The following PRR33 variants were observed in gnomAD, a reference collection of about 807,000 sequenced individuals.
PRR33 encodes proline rich 33.
A neutral mutation model predicts 0.5 loss-of-function variants in PRR33; 1 was observed. The ratio of observed to expected loss-of-function variants is 2.18; its 90% confidence interval spans 0.77 to 10.34. PRR33 has a LOEUF of 10.34. Among genes scored for constraint, PRR33 ranks in the 30% most tolerant of loss-of-function variants. PRR33 has a pLI of 0.13. For missense variants in PRR33, 552 were observed against 251.8 expected (o/e 2.19, Z -8.07); for synonymous variants, 226 against 110.0 (o/e 2.06, Z -6.60).
At chr11:1,915,789 AAGGG>A in the PRR33 span, among the ~76,000 whole-genome samples, 48 of 105,080 alleles carry the variant, frequency 4.6e-4, no homozygotes, top group Admixed American at 1.7e-3. Flanking sequence ...AGGGTGGATG[AAGGG>A]AGGGAGGGAG....
chr11:1,906,464 AT>A, the PRR33 span, among the ~76,000 whole-genome samples: 3 of 151,864 alleles, frequency 2.0e-5, no homozygotes, highest in Non-Finnish European at 4.4e-5. Flanking sequence ...CTTTTTGATA[AT>A]TTTTTATTGG....
chr11:1,889,676 G>A (rs769336431), exon 1 of PRR33: 6 of 633,706 alleles, frequency 9.5e-6, no homozygotes, highest in East Asian at 2.8e-5. Flanking sequence ...CGGCCTCAGC[G>A]GCGGGGCCAG....
At chr11:1,908,698 C>T in the PRR33 span, among the ~76,000 whole-genome samples, 2 of 152,130 alleles carry the variant, frequency 1.3e-5, no homozygotes, top group South Asian at 2.1e-4. Flanking sequence ...AAAACTCTTC[C>T]GCCGACTCTC....
upstream of PRR33, among the ~76,000 whole-genome samples, chr11:1,893,118 G>A (rs538535524): frequency 2.3e-5 from 3 of 132,430 alleles, no homozygotes; most frequent in Non-Finnish European, 5.2e-5. Context: ...TGGATGAATA[G>A]GGGATGGATG....
At chr11:1,890,554 C>G (rs918671834) in exon 1 of PRR33, 3 of 712,318 alleles carry the variant, frequency 4.2e-6, no homozygotes, top group Non-Finnish European at 7.8e-6. Context: ...CCGCACACCT[C>G]GGGTGCCATC....
chr11:1,894,481 C>G (rs945195331), upstream of PRR33, among the ~76,000 whole-genome samples: 7 of 152,186 alleles, frequency 4.6e-5, no homozygotes, highest in South Asian at 2.1e-4. Flanking sequence ...AGCGACCCCC[C>G]CTGCCTCCAC....
chr11:1,902,168 C>A, the PRR33 span, among the ~76,000 whole-genome samples: 1 of 150,564 alleles, frequency 6.6e-6, no homozygotes. Context: ...GGAGGCGGAG[C>A]TTGCAGTGAG....
At chr11:1,898,517 G>A in the PRR33 span, among the ~76,000 whole-genome samples, 27 of 152,102 alleles carry the variant, frequency 1.8e-4, no homozygotes. Flanking sequence ...TTACAGGCGT[G>A]AGCCACCACG....
upstream of PRR33, among the ~76,000 whole-genome samples, chr11:1,895,256 C>G (rs530258808): frequency 3.7e-4 from 57 of 152,202 alleles, no homozygotes; most frequent in Non-Finnish European, 6.8e-4. Context: ...CCTCAGCCTC[C>G]CAGGTAGCTG....
At chr11:1,889,388 C>T in exon 1 of PRR33, 1 of 700,336 alleles carries the variant, frequency 1.4e-6, no homozygotes. Flanking sequence ...CATCCCACAT[C>T]CTGGAGGTCC....
At chr11:1,904,917 G>C in the PRR33 span, among the ~76,000 whole-genome samples, 1 of 151,934 alleles carries the variant, frequency 6.6e-6, no homozygotes, top group East Asian at 2.0e-4. Flanking sequence ...TCCCCATCAA[G>C]TTGGCTAAAG....
the PRR33 span, among the ~76,000 whole-genome samples, chr11:1,913,828 G>A: frequency 1.3e-4 from 20 of 152,234 alleles, no homozygotes; most frequent in Non-Finnish European, 1.3e-4. Flanking sequence ...CGCGCTCTGC[G>A]GTGAGCACGA....
the PRR33 span, among the ~76,000 whole-genome samples, chr11:1,900,004 C>T: frequency 6.6e-6 from 1 of 151,794 alleles, no homozygotes; most frequent in East Asian, 1.9e-4. Context: ...ATTTTAACAA[C>T]TTACAACGGT....
At chr11:1,907,194 G>T in the PRR33 span, among the ~76,000 whole-genome samples, 1 of 152,188 alleles carries the variant, frequency 6.6e-6, no homozygotes, top group Non-Finnish European at 1.5e-5. Context: ...GTTGTTTCAG[G>T]CAGGAAGATA....
chr11:1,903,008 G>A, the PRR33 span: 1 of 152,154 alleles, frequency 6.6e-6, no homozygotes, highest in Admixed American at 6.5e-5. Flanking sequence ...CACCATCTTG[G>A]TTTTGGTGCA....
At chr11:1,913,354 G>T in the PRR33 span, among the ~76,000 whole-genome samples, 14 of 149,360 alleles carry the variant, frequency 9.4e-5, no homozygotes, top group Non-Finnish European at 1.9e-4. Flanking sequence ...CCGTGTGTTA[G>T]CCAGGCTGGT....
chr11:1,915,198 C>CTG, the PRR33 span, among the ~76,000 whole-genome samples: 19 of 120,600 alleles, frequency 1.6e-4, no homozygotes, highest in South Asian at 1.4e-3. Flanking sequence ...TGATGTTTCT[C>CTG]TGTGTGTGTG....
the PRR33 span, among the ~76,000 whole-genome samples, chr11:1,917,517 C>T: frequency 6.6e-6 from 1 of 152,214 alleles, no homozygotes; most frequent in Non-Finnish European, 1.5e-5. Context: ...GTCCCCAACC[C>T]AGGCTGGGCC....
the PRR33 span, among the ~76,000 whole-genome samples, chr11:1,905,122 C>CT: frequency 0.3 from 29,393 of 96,512 alleles, 5,392 homozygotes; most frequent in African/African-American, 0.37. Context: ...CTTGAGAATT[C>CT]TTTTTTTTTT....
Sources: allele counts gnomAD v4.1 joint callset (sites outside exome capture counted in the v4.1 genomes callset), GRCh38; gene constraint gnomAD v4.1.1; transcripts MANE v1.5; gene names NCBI Gene and HGNC (gene_info 2026-07-23, HGNC 2026-07-21).